Variants in MYH11 observed in about 807,000 individuals in gnomAD.
The protein encoded by MYH11 is myosin-11.
A neutral mutation model predicts 246.6 loss-of-function variants in MYH11; 80 were observed. That is an observed-to-expected ratio of 0.32 (90% CI 0.27 to 0.39). The LOEUF (loss-of-function observed/expected upper bound fraction) is 0.39. Ranked by LOEUF, MYH11 falls within the 10% of genes least tolerant of loss-of-function variation. MYH11 has a pLI of 1.00. For synonymous variants in MYH11, 1,071 were observed against 1,015.5 expected (o/e 1.05, Z -1.04); for missense variants, 2,158 against 2,546.8 (o/e 0.85, Z 3.29).
At chr16:15,843,760 C>T (rs1055571224) in intron 1 of MYH11, among the ~76,000 whole-genome samples, 21 of 151,976 alleles carry the variant, frequency 1.4e-4, no homozygotes, top group Admixed American at 3.9e-4. Context: ...CAAGTTCTAC[C>T]AGTAATTGCT....
At chr16:15,796,177 G>A (rs1002158682) in intron 4 of MYH11, among the ~76,000 whole-genome samples, 2 of 152,088 alleles carry the variant, frequency 1.3e-5, no homozygotes, top group Non-Finnish European at 2.9e-5. Context: ...GGCAGGAACC[G>A]CTATCTAAAT....
intron 2 of MYH11, among the ~76,000 whole-genome samples, chr16:15,826,644 A>G (rs1471971369): frequency 6.6e-6 from 1 of 151,754 alleles, no homozygotes; most frequent in Non-Finnish European, 1.5e-5. Flanking sequence ...GGCTCAGTCC[A>G]CTCAGGGACA....
intron 1 of MYH11, among the ~76,000 whole-genome samples, chr16:15,840,576 T>A (rs1344093192): frequency 6.6e-6 from 1 of 151,806 alleles, no homozygotes; most frequent in Non-Finnish European, 1.5e-5. Flanking sequence ...TGTAAAAAAA[T>A]TAAAAATTAG....
Position 15,784,727 on chromosome 16 carries a change from GAAC to G in MYH11, c.633+1900_633+1902del, listed in dbSNP as rs2042429734. 6.2e-7 allele frequency: 1 copy of G among 1,613,784 alleles called. No homozygotes were observed. Among genetic ancestry groups the G allele is most frequent in the Non-Finnish European group, 8.5e-7 (1 of 1,179,794 alleles). On this transcript the variant is annotated intron_variant, in intron 5 of 40. Transcript: ENST00000300036. Reference sequence around the variant, plus strand: ...GCAAAAGATGGGCCTTGCTGTGGTTGAACAACACAGTATAAAACAAATGTCAGC... The same window carrying G: ...GCAAAAGATGGGCCTTGCTGTGGTTGAACACAGTATAAAACAAATGTCAGC...
At chr16:15,739,894 A>G (rs1257127158) in intron 23 of MYH11, among the ~76,000 whole-genome samples, 157 bp downstream of exon 23, 1 of 152,030 alleles carries the variant, frequency 6.6e-6, no homozygotes, top group African/African-American at 2.4e-5. Flanking sequence ...GACACTGGCC[A>G]CCACACCTGG....
At chr16:15,839,983 A>G (rs2044012001) in intron 1 of MYH11, among the ~76,000 whole-genome samples, 1 of 152,014 alleles carries the variant, frequency 6.6e-6, no homozygotes. Flanking sequence ...CCTGGGAGGC[A>G]GAGGCTGCAG....
At chr16:15,820,855 A>G (rs968063247) in intron 3 of MYH11, among the ~76,000 whole-genome samples, 2 of 152,140 alleles carry the variant, frequency 1.3e-5, no homozygotes, top group African/African-American at 2.4e-5. Flanking sequence ...ACCTATTTTT[A>G]TAATTTGCAA....
chr16:15,844,116 G>C (rs1047577326), intron 1 of MYH11, among the ~76,000 whole-genome samples: 3 of 152,182 alleles, frequency 2.0e-5, no homozygotes, highest in African/African-American at 7.2e-5. Flanking sequence ...AAAGGGGATG[G>C]AGATGGGGGA....
chr16:15,712,486 A>G (rs949971217), intron 40 of MYH11, among the ~76,000 whole-genome samples: 2 of 152,058 alleles, frequency 1.3e-5, no homozygotes, highest in Non-Finnish European at 2.9e-5. Context: ...CATCTCTACT[A>G]AAAATATAAA....
At chr16:15,763,753 C>CCCCCCCCCA (rs1567739780) in intron 10 of MYH11, 43 bp downstream of exon 10, 1 of 843,582 alleles carries the variant, frequency 1.2e-6, no homozygotes, top group Admixed American at 1.7e-5. Flanking sequence ...CCCCACCCCC[C>CCCCCCCCCA]CAACCCCAAA....
intron 4 of MYH11, among the ~76,000 whole-genome samples, chr16:15,789,060 T>C (rs2042550394): frequency 6.6e-6 from 1 of 152,122 alleles, no homozygotes. Flanking sequence ...ACATGAATTA[T>C]TTCCTTTATC....
intron 1 of MYH11, among the ~76,000 whole-genome samples, chr16:15,849,061 T>G (rs1334943540): frequency 6.6e-6 from 1 of 152,228 alleles, no homozygotes; most frequent in African/African-American, 2.4e-5. Flanking sequence ...CATCAAGAGC[T>G]GCTCTCAATG....
intron 1 of MYH11, among the ~76,000 whole-genome samples, chr16:15,844,021 C>G (rs1185829705): frequency 6.6e-6 from 1 of 152,102 alleles, no homozygotes; most frequent in Non-Finnish European, 1.5e-5. Context: ...AGAGAGCTGA[C>G]TAGACATTAT....
chr16:15,828,388 A>G (rs949458926), intron 2 of MYH11, among the ~76,000 whole-genome samples: 5 of 152,054 alleles, frequency 3.3e-5, no homozygotes, highest in African/African-American at 1.2e-4. Context: ...TCCACTTGGA[A>G]CACTTTTCCC....
At chr16:15,819,554 G>A (rs529478550) in intron 3 of MYH11, among the ~76,000 whole-genome samples, 2 of 152,242 alleles carry the variant, frequency 1.3e-5, no homozygotes, top group East Asian at 3.9e-4. Context: ...TGCTCCTTAT[G>A]AGAATCTAAT....
intron 1 of MYH11, among the ~76,000 whole-genome samples, chr16:15,851,780 T>G (rs1402516888): frequency 6.6e-6 from 1 of 152,142 alleles, no homozygotes; most frequent in African/African-American, 2.4e-5. Flanking sequence ...GAAGTTCTCT[T>G]AATGCATAAC....
At chr16:15,803,846 C>A (rs945879627) in intron 3 of MYH11, among the ~76,000 whole-genome samples, 1 of 152,180 alleles carries the variant, frequency 6.6e-6, no homozygotes, top group Non-Finnish European at 1.5e-5. Flanking sequence ...GCCAGCGCGG[C>A]TCCGAGCTGG....
At chr16:15,705,752 C>A (rs1288968077) in intron 40 of MYH11, among the ~76,000 whole-genome samples, 3 of 151,870 alleles carry the variant, frequency 2.0e-5, no homozygotes, top group African/African-American at 7.3e-5. Flanking sequence ...GAGGCTGAGG[C>A]GGGCGGATCA....
intron 2 of MYH11, among the ~76,000 whole-genome samples, chr16:15,834,216 C>T (rs141011872): frequency 8.5e-5 from 13 of 152,128 alleles, no homozygotes; most frequent in African/African-American, 2.7e-4. Flanking sequence ...TCCCTACAGA[C>T]GGGCCTCTTT....
Sources: gnomAD v4.1 joint callset for allele counts (sites outside exome capture counted in the v4.1 genomes callset) on GRCh38, gnomAD v4.1.1 for gene constraint, MANE v1.5 for transcripts, NCBI Gene and HGNC (gene_info 2026-07-23, HGNC 2026-07-21) for gene names.